GRIA1: variants seen among roughly 807,000 people sequenced by gnomAD.
GRIA1 encodes glutamate receptor 1.
GRIA1 carries 31 observed loss-of-function variants against 99.2 expected under a neutral mutation model. That is an observed-to-expected ratio of 0.31 (90% CI 0.23 to 0.42). GRIA1 has a LOEUF of 0.42. Among genes scored for constraint, GRIA1 ranks in the 10% least tolerant of loss-of-function variants. The pLI, the probability that GRIA1 is intolerant of heterozygous loss-of-function variation, is 1.00. For missense variants in GRIA1, 782 were observed against 1,157.5 expected (o/e 0.68, Z 4.71); for synonymous variants, 438 against 432.4 (o/e 1.01, Z -0.16).
intron 2 of GRIA1, among the ~76,000 whole-genome samples, chr5:153,533,599 G>A (rs1758283021): frequency 6.6e-6 from 1 of 152,176 alleles, no homozygotes; most frequent in African/African-American, 2.4e-5. Context: ...CATTTAAAAT[G>A]TTGTGAAAGA....
chr5:153,489,834 C>G, upstream of GRIA1: 2 of 456,632 alleles, frequency 4.4e-6, no homozygotes, highest in Non-Finnish European at 8.8e-6. Context: ...TGTAATTGCT[C>G]TGTGTAAGTA....
At chr5:153,549,750 CAAG>C (rs76975925) in intron 2 of GRIA1, among the ~76,000 whole-genome samples, 70,859 of 151,836 alleles carry the variant, frequency 0.47, 18,250 homozygotes, top group Non-Finnish European at 0.59. Context: ...CTAGAAATTC[CAAG>C]AAGATCTTTT....
At chr5:153,807,838 C>A (rs189983276) in intron 15 of GRIA1, among the ~76,000 whole-genome samples, 1 of 152,210 alleles carries the variant, frequency 6.6e-6, no homozygotes, top group South Asian at 2.1e-4. Context: ...TTATTCACCA[C>A]CTCATTCCCA....
chr5:153,588,430 G>A (rs372584605), intron 2 of GRIA1, among the ~76,000 whole-genome samples: 1 of 152,188 alleles, frequency 6.6e-6, no homozygotes, highest in South Asian at 2.1e-4. Context: ...TAAGCCCACT[G>A]GCATCAAAGA....
chr5:153,792,141 C>G (rs929149355), intron 13 of GRIA1, among the ~76,000 whole-genome samples: 3 of 152,118 alleles, frequency 2.0e-5, no homozygotes, highest in African/African-American at 7.2e-5. Context: ...GAAAGGGGAA[C>G]ATTTTGAGGT....
intron 13 of GRIA1, among the ~76,000 whole-genome samples, chr5:153,776,973 A>G (rs1163312504): frequency 2.0e-5 from 3 of 152,210 alleles, no homozygotes; most frequent in Non-Finnish European, 4.4e-5. Context: ...CTTTTAGAGA[A>G]TCACATTGAC....
intron 11 of GRIA1, among the ~76,000 whole-genome samples, chr5:153,753,130 T>A (rs550051033): frequency 6.6e-6 from 1 of 152,322 alleles, no homozygotes; most frequent in East Asian, 1.9e-4. Context: ...TGCCTTGGCT[T>A]CAGCCTAGTG....
intron 2 of GRIA1, among the ~76,000 whole-genome samples, chr5:153,620,290 TTTTTTTTTCCTATTTTTGCAC>T (rs1766912991): frequency 6.6e-6 from 1 of 152,174 alleles, no homozygotes; most frequent in Admixed American, 6.5e-5. Flanking sequence ...ATAGACTTTT[TTTTTTTTTCCTATTTTTGCAC>T]CCATGCTTAG....
intron 2 of GRIA1, among the ~76,000 whole-genome samples, chr5:153,561,112 G>T (rs1761085797): frequency 6.6e-6 from 1 of 152,138 alleles, no homozygotes; most frequent in Non-Finnish European, 1.5e-5. Context: ...TTATTCAATG[G>T]CATTTAGTAA....
intron 5 of GRIA1, among the ~76,000 whole-genome samples, chr5:153,662,128 T>A (rs1385902453): frequency 6.6e-6 from 1 of 152,186 alleles, no homozygotes; most frequent in Non-Finnish European, 1.5e-5. Context: ...AGCCTTTGAG[T>A]ATTTGAAAAT....
chr5:153,589,960 T>C (rs1763811816), intron 2 of GRIA1, among the ~76,000 whole-genome samples: 1 of 152,182 alleles, frequency 6.6e-6, no homozygotes, highest in African/African-American at 2.4e-5. Flanking sequence ...CTGTCACAAA[T>C]GGTGTTTTGG....
intron 2 of GRIA1, among the ~76,000 whole-genome samples, chr5:153,638,005 T>A (rs1035826943): frequency 1.3e-5 from 2 of 152,202 alleles, no homozygotes; most frequent in Non-Finnish European, 2.9e-5. Context: ...AAAAGTTACT[T>A]GATAATATAA....
At chr5:153,730,054 C>T (rs1760894259) in intron 11 of GRIA1, among the ~76,000 whole-genome samples, 1 of 152,226 alleles carries the variant, frequency 6.6e-6, no homozygotes, top group Non-Finnish European at 1.5e-5. Context: ...AGCATCATAG[C>T]AGCCTTTATA....
chr5:153,491,217 G>C (rs1753882923), intron 1 of GRIA1: 2 of 1,300,860 alleles, frequency 1.5e-6, no homozygotes, highest in Admixed American at 6.6e-5. Context: ...GCAAGAGCAT[G>C]TGAAATGGAG....
chr5:153,649,005 G>A (rs906378502), intron 3 of GRIA1, among the ~76,000 whole-genome samples: 1 of 152,146 alleles, frequency 6.6e-6, no homozygotes, highest in Non-Finnish European at 1.5e-5. Flanking sequence ...GTAATCACAA[G>A]GTCCTTAAAT....
chr5:153,600,681 G>T (rs572057930), intron 2 of GRIA1, among the ~76,000 whole-genome samples: 1 of 152,136 alleles, frequency 6.6e-6, no homozygotes, highest in Non-Finnish European at 1.5e-5. Flanking sequence ...AGGCTGGGGG[G>T]CCAAAGGGAA....
At position 153,698,165 on chromosome 5, in the gene GRIA1, A is replaced by C. The variant is rs1561778512; in HGVS notation, c.1245+11A>C. On this transcript the variant is annotated intron_variant, in intron 9 of 15. Coordinates refer to ENST00000285900, the MANE Select transcript of GRIA1 (RefSeq NM_000827.4). ...GTCACAACAATCCTAGTGAGTACTCAGTCCTTCATCAAGGTTACTTGGGAT... is the reference window on the plus strand; with the variant it reads ...GTCACAACAATCCTAGTGAGTACTCCGTCCTTCATCAAGGTTACTTGGGAT... The C allele has an allele frequency of 2.9e-6, 4 of 1,395,702 alleles. No individual in the cohort carries two copies. The highest frequency in any genetic ancestry group is 1.4e-5 in the African/African-American group (1 of 70,866). 86.5% of individuals were successfully genotyped at this position (1,395,702 alleles called of 1,614,324 possible).
At chr5:153,625,549 G>A (rs1767520848) in intron 2 of GRIA1, among the ~76,000 whole-genome samples, 1 of 152,310 alleles carries the variant, frequency 6.6e-6, no homozygotes, top group East Asian at 1.9e-4. Flanking sequence ...CGGGCAAAGG[G>A]AGAGTGGGAT....
chr5:153,737,561 A>G (rs940482783), intron 11 of GRIA1, among the ~76,000 whole-genome samples: 1 of 152,194 alleles, frequency 6.6e-6, no homozygotes, highest in Admixed American at 6.5e-5. Flanking sequence ...GGAAAAAGTC[A>G]TTTAATCTCT....
Sources: allele counts gnomAD v4.1 joint callset (sites outside exome capture counted in the v4.1 genomes callset), GRCh38; gene constraint gnomAD v4.1.1; transcripts MANE v1.5; gene names NCBI Gene and HGNC (gene_info 2026-07-23, HGNC 2026-07-21).